SNTG1: variants seen among roughly 807,000 people sequenced by gnomAD.
SNTG1 encodes syntrophin gamma 1, also known as gamma-1-syntrophin.
Under a neutral mutation model 74.7 loss-of-function variants are expected in SNTG1, and 39 were observed. The observed-to-expected ratio is 0.52, with a 90% CI of 0.40 to 0.68. The LOEUF (loss-of-function observed/expected upper bound fraction) is 0.68, where lower values mean the gene tolerates loss of function less well. Among genes scored for constraint, SNTG1 ranks in the 30% least tolerant of loss-of-function variants. The pLI, the probability that SNTG1 is intolerant of heterozygous loss-of-function variation, is 0.00. For synonymous variants in SNTG1, 254 were observed against 217.1 expected (o/e 1.17, Z -1.49); for missense variants, 685 against 609.5 (o/e 1.12, Z -1.30).
chr8:50,069,278 T>C (rs1410781885), intron 1 of SNTG1, among the ~76,000 whole-genome samples: 2 of 152,188 alleles, frequency 1.3e-5, no homozygotes, highest in Non-Finnish European at 2.9e-5. Context: ...CTCAGTGGTA[T>C]CATGTTGGTG....
At chr8:50,670,900 C>T (rs969583796) in intron 15 of SNTG1, among the ~76,000 whole-genome samples, 4 of 151,704 alleles carry the variant, frequency 2.6e-5, no homozygotes, top group South Asian at 2.1e-4. Flanking sequence ...ATATCTAGAA[C>T]TATCTGATCT....
intron 2 of SNTG1, among the ~76,000 whole-genome samples, chr8:50,174,191 T>A (rs2082911044): frequency 6.6e-6 from 1 of 152,252 alleles, no homozygotes. Context: ...GCCTGCATAG[T>A]ATTCCATGAT....
At chr8:50,584,817 T>G (rs1335447669) in intron 12 of SNTG1, among the ~76,000 whole-genome samples, 1 of 152,142 alleles carries the variant, frequency 6.6e-6, no homozygotes, top group Non-Finnish European at 1.5e-5. Context: ...ACCACAACTG[T>G]GCAAGTCAAA....
At chr8:50,202,246 T>C (rs1346478993) in intron 2 of SNTG1, among the ~76,000 whole-genome samples, 3 of 152,158 alleles carry the variant, frequency 2.0e-5, no homozygotes, top group Non-Finnish European at 4.4e-5. Flanking sequence ...GTAAGTTCTA[T>C]GGTTTTTGAC....
At chr8:50,466,915 G>A (rs543182583) in intron 8 of SNTG1, among the ~76,000 whole-genome samples, 1 of 151,900 alleles carries the variant, frequency 6.6e-6, no homozygotes, top group African/African-American at 2.4e-5. Context: ...TTAGTTCTAA[G>A]AGGTGTCGTG....
At chr8:50,061,965 G>A (rs1460775496) in intron 1 of SNTG1, among the ~76,000 whole-genome samples, 1 of 151,942 alleles carries the variant, frequency 6.6e-6, no homozygotes, top group Non-Finnish European at 1.5e-5. Context: ...GGTTGATTGT[G>A]TTCTTCACAT....
chr8:50,426,598 A>G (rs906206362), intron 4 of SNTG1, among the ~76,000 whole-genome samples: 10 of 152,094 alleles, frequency 6.6e-5, no homozygotes, highest in South Asian at 6.2e-4. Flanking sequence ...TTTTTACTTT[A>G]TAAGTAAAAA....
intron 2 of SNTG1, among the ~76,000 whole-genome samples, chr8:50,303,670 C>T (rs1329455626): frequency 6.6e-6 from 1 of 151,772 alleles, no homozygotes; most frequent in Non-Finnish European, 1.5e-5. Flanking sequence ...TCTTTTTGGT[C>T]TTTTGTTTTT....
intron 2 of SNTG1, among the ~76,000 whole-genome samples, chr8:50,368,344 G>A (rs2092174876): frequency 6.6e-6 from 1 of 152,120 alleles, no homozygotes; most frequent in African/African-American, 2.4e-5. Flanking sequence ...TATGGCTTGG[G>A]TCCTCCTTAA....
At chr8:50,305,269 A>G (rs1473438183) in intron 2 of SNTG1, among the ~76,000 whole-genome samples, 1 of 152,092 alleles carries the variant, frequency 6.6e-6, no homozygotes, top group Non-Finnish European at 1.5e-5. Flanking sequence ...AAACTATAGC[A>G]ATGAAAAAAA....
chr8:50,060,740 G>T (rs140941210), intron 1 of SNTG1, among the ~76,000 whole-genome samples: 1 of 151,630 alleles, frequency 6.6e-6, no homozygotes, highest in Non-Finnish European at 1.5e-5. Context: ...CATTATTTTC[G>T]GCTTGCCTGG....
At chr8:50,244,686 C>T (rs1563790528) in intron 2 of SNTG1, among the ~76,000 whole-genome samples, 1 of 152,124 alleles carries the variant, frequency 6.6e-6, no homozygotes, top group Non-Finnish European at 1.5e-5. Context: ...CTCATGGGCT[C>T]CAACCTGAAT....
intron 13 of SNTG1, among the ~76,000 whole-genome samples, chr8:50,637,811 A>G (rs2095048664): frequency 1.3e-5 from 2 of 152,140 alleles, no homozygotes; most frequent in African/African-American, 2.4e-5. Context: ...CTGTATAAAT[A>G]TTATTTTATT....
intron 4 of SNTG1, among the ~76,000 whole-genome samples, chr8:50,420,166 G>A (rs78875035): frequency 2.0e-5 from 3 of 152,096 alleles, no homozygotes; most frequent in African/African-American, 7.2e-5. Context: ...ATGAATTTAT[G>A]TATTCTGGAA....
chr8:50,488,822 G>A lies in SNTG1; in HGVS notation c.364-13956G>A, dbSNP rs1292139960. Among the ~76,000 whole-genome samples the A allele has an allele frequency of 3.3e-5, 5 of 152,208 alleles. No individual in the cohort carries two copies. The East Asian group carries it at 7.7e-4, about 24-fold the overall frequency. On this transcript the variant is annotated intron_variant, in intron 8 of 18. Coordinates refer to ENST00000642720, the MANE Select transcript of SNTG1 (RefSeq NM_018967.5). The stretch of plus-strand genomic sequence containing the variant: ...CTTTAAGTTCTGGGATAAATGTGCA[G>A]AACGCGCAGGTTTGTTACATAAGTA...
chr8:49,933,476 G>T (rs1296759903), intron 1 of SNTG1, among the ~76,000 whole-genome samples: 5 of 151,858 alleles, frequency 3.3e-5, no homozygotes, highest in Non-Finnish European at 2.9e-5. Context: ...TTTTGTCTTT[G>T]GTCCGTTTTG....
chr8:50,328,911 T>G (rs186002266), intron 2 of SNTG1, among the ~76,000 whole-genome samples: 31 of 152,328 alleles, frequency 2.0e-4, no homozygotes, highest in African/African-American at 7.2e-4. Context: ...CCTGTGAACC[T>G]GTAAAGTCAA....
chr8:50,115,491 C>T (rs1487876155), intron 1 of SNTG1, among the ~76,000 whole-genome samples: 2 of 147,336 alleles, frequency 1.4e-5, no homozygotes, highest in Non-Finnish European at 1.5e-5. Flanking sequence ...CTGGAGGAAC[C>T]CTGGAGGCAG....
At chr8:50,164,952 C>T (rs4873410) in intron 1 of SNTG1, among the ~76,000 whole-genome samples, 46,318 of 151,966 alleles carry the variant, frequency 0.3, 7,192 homozygotes, top group South Asian at 0.43. Flanking sequence ...AATTTGCTTT[C>T]AGCTTATTTT....
Sources: allele counts gnomAD v4.1 joint callset (sites outside exome capture counted in the v4.1 genomes callset), GRCh38; gene constraint gnomAD v4.1.1; transcripts MANE v1.5; gene names NCBI Gene and HGNC (gene_info 2026-07-23, HGNC 2026-07-21).